The following ADGRL3 variants were observed in gnomAD, a reference collection of about 807,000 sequenced individuals.
ADGRL3 encodes the protein adhesion G protein-coupled receptor L3, also known as calcium-independent alpha-latrotoxin receptor 3.
ADGRL3 carries 62 observed loss-of-function variants against 153.5 expected under a neutral mutation model. That is an observed-to-expected ratio of 0.40 (90% confidence interval 0.33 to 0.50). ADGRL3 has a LOEUF of 0.50. Among genes scored for constraint, ADGRL3 ranks in the 20% least tolerant of loss-of-function variants. ADGRL3 has a pLI of 0.47. For missense variants in ADGRL3, 1,641 were observed against 1,859.4 expected, an observed-to-expected ratio of 0.88 and a Z score of 2.16; for synonymous variants, 710 against 672.5, an observed-to-expected ratio of 1.06 and a Z score of -0.86.
intron 1 of ADGRL3, among the ~76,000 whole-genome samples, chr4:61,263,577 T>G (rs1347911341): frequency 6.6e-6 from 1 of 152,010 alleles, no homozygotes; most frequent in South Asian, 2.1e-4. Flanking sequence ...TTCAATAGAA[T>G]GTCTCTGTTT....
intron 17 of ADGRL3, among the ~76,000 whole-genome samples, chr4:61,948,944 T>C (rs900971773): frequency 2.0e-5 from 3 of 150,454 alleles, no homozygotes; most frequent in Admixed American, 1.3e-4. Flanking sequence ...GGAGATCAAC[T>C]CAAGCAGGCT....
chr4:61,332,460 C>G (rs965459127), intron 1 of ADGRL3, among the ~76,000 whole-genome samples: 1 of 152,002 alleles, frequency 6.6e-6, no homozygotes, highest in African/African-American at 2.4e-5. Flanking sequence ...AAATGATATA[C>G]CTTCTTTGAT....
At chr4:61,755,898 T>C (rs2152108386) in intron 8 of ADGRL3, among the ~76,000 whole-genome samples, 1 of 152,314 alleles carries the variant, frequency 6.6e-6, no homozygotes, top group African/African-American at 2.4e-5. Flanking sequence ...ATTTCTTGTT[T>C]TTGTCAGGTT....
intron 8 of ADGRL3, among the ~76,000 whole-genome samples, chr4:61,757,615 T>C (rs1338478344): frequency 1.3e-5 from 2 of 152,178 alleles, no homozygotes; most frequent in Non-Finnish European, 1.5e-5. Flanking sequence ...TGTGTCTCTA[T>C]TTCCTTCAGT....
intron 1 of ADGRL3, among the ~76,000 whole-genome samples, chr4:61,220,091 G>A (rs867175017): frequency 7.1e-6 from 1 of 141,770 alleles, no homozygotes; most frequent in African/African-American, 2.7e-5. Flanking sequence ...CAGCCTGGGC[G>A]ACAAGAGCAA....
At chr4:61,740,916 A>G (rs1314864076) in intron 8 of ADGRL3, among the ~76,000 whole-genome samples, 2 of 152,202 alleles carry the variant, frequency 1.3e-5, no homozygotes, top group African/African-American at 4.8e-5. Flanking sequence ...CTAAACCAAC[A>G]AAAAGCCTAC....
Position 61,296,740 on chromosome 4 carries a change from T to C in ADGRL3, c.-239-86384T>C, listed in dbSNP as rs543247401. Among the ~76,000 whole-genome samples, 8 of 152,306 alleles carry C rather than the reference T, an allele frequency of 5.3e-5. No homozygotes were observed. In the South Asian group the frequency reaches 1.7e-3, roughly 32 times the overall value. On this transcript the variant is annotated intron_variant, in intron 1 of 26. Coordinates refer to ENST00000683033, the MANE Select transcript of ADGRL3 (RefSeq NM_001387552.1). ...CAAAATATAGTATCATTATAAGATA[T>C]GATATTGTGTACCTTTATTTCTGAA...
At chr4:61,783,040 G>A (rs759162945) in intron 8 of ADGRL3, among the ~76,000 whole-genome samples, 4 of 152,050 alleles carry the variant, frequency 2.6e-5, no homozygotes, top group African/African-American at 7.2e-5. Context: ...GACTAGACCT[G>A]GCATTATCAG....
At chr4:61,578,660 C>CTCAGATT (rs1452101154) in intron 4 of ADGRL3, among the ~76,000 whole-genome samples, 1 of 152,008 alleles carries the variant, frequency 6.6e-6, no homozygotes, top group African/African-American at 2.4e-5. Context: ...CATTTCATTG[C>CTCAGATT]TCAGATTTTT....
chr4:61,397,505 C>T (rs1017780826), intron 2 of ADGRL3, among the ~76,000 whole-genome samples: 1 of 151,894 alleles, frequency 6.6e-6, no homozygotes, highest in Non-Finnish European at 1.5e-5. Flanking sequence ...ACTTTATTGC[C>T]TAGAGAGTTA....
chr4:61,871,526 A>T (rs1280993193), intron 9 of ADGRL3, among the ~76,000 whole-genome samples: 1 of 152,194 alleles, frequency 6.6e-6, no homozygotes, highest in African/African-American at 2.4e-5. Context: ...CTAAAGGCAC[A>T]TACTGTATGA....
At chr4:61,689,042 G>T (rs1047947379) in intron 6 of ADGRL3, among the ~76,000 whole-genome samples, 23 of 152,132 alleles carry the variant, frequency 1.5e-4, no homozygotes, top group Non-Finnish European at 3.4e-4. Flanking sequence ...GCTCACTGTA[G>T]CATCAGGCAA....
At chr4:61,265,125 T>C (rs964597721) in intron 1 of ADGRL3, among the ~76,000 whole-genome samples, 1 of 151,952 alleles carries the variant, frequency 6.6e-6, no homozygotes, top group African/African-American at 2.4e-5. Flanking sequence ...GTAGTAGGTG[T>C]TATCTTTGTA....
chr4:61,947,166 T>C, intron 16 of ADGRL3, 44 bp downstream of exon 16: 1 of 1,419,690 alleles, frequency 7.0e-7, no homozygotes, highest in Non-Finnish European at 9.9e-7. Context: ...ATTATCTGTA[T>C]TTTTATAACA....
chr4:61,634,259 T>C (rs966090751), intron 5 of ADGRL3, among the ~76,000 whole-genome samples: 1 of 152,132 alleles, frequency 6.6e-6, no homozygotes, highest in South Asian at 2.1e-4. Context: ...TTCACATCCA[T>C]TAAGGGCACA....
chr4:61,861,599 C>T (rs2098340940), intron 9 of ADGRL3, among the ~76,000 whole-genome samples: 1 of 151,914 alleles, frequency 6.6e-6, no homozygotes. Flanking sequence ...TCATTTTATA[C>T]TGCTCATGAC....
intron 21 of ADGRL3, 42 bp from the exon 22 acceptor site, chr4:62,028,813 C>T: frequency 6.5e-7 from 1 of 1,548,858 alleles, no homozygotes; most frequent in East Asian, 2.3e-5. Context: ...TCATAAAATG[C>T]TAATGTTGGT....
chr4:61,400,622 T>C (rs2096918645), intron 2 of ADGRL3, among the ~76,000 whole-genome samples: 1 of 151,854 alleles, frequency 6.6e-6, no homozygotes, highest in Admixed American at 6.6e-5. Context: ...ATATTGGTGG[T>C]AGTGGAAATG....
intron 19 of ADGRL3, among the ~76,000 whole-genome samples, chr4:61,986,848 A>G (rs777388515): frequency 1.3e-5 from 2 of 152,174 alleles, no homozygotes; most frequent in Non-Finnish European, 2.9e-5. Flanking sequence ...TTCGGAATTC[A>G]TGCAATCCAA....
Sources: allele counts gnomAD v4.1 joint callset (sites outside exome capture counted in the v4.1 genomes callset), GRCh38; gene constraint gnomAD v4.1.1; transcripts MANE v1.5; gene names NCBI Gene and HGNC (gene_info 2026-07-23, HGNC 2026-07-21).